The following CTNNA3 variants were observed in gnomAD, a reference collection of about 807,000 sequenced individuals.
The protein encoded by CTNNA3 is catenin alpha 3, also known as catenin alpha-3.
A neutral mutation model predicts 95.7 loss-of-function variants in CTNNA3; 76 were observed. That is an observed-to-expected ratio of 0.79 (90% CI 0.66 to 0.96). The LOEUF (loss-of-function observed/expected upper bound fraction) is 0.96. CTNNA3 is among the 40% of genes least tolerant of loss of function. The pLI is 0.00. For missense variants in CTNNA3, 1,191 were observed against 1,089.8 expected (o/e 1.09, Z -1.31); for synonymous variants, 431 against 374.4 (o/e 1.15, Z -1.74).
intron 5 of CTNNA3, among the ~76,000 whole-genome samples, chr10:67,270,475 A>G (rs1838926546): frequency 6.6e-6 from 1 of 152,166 alleles, no homozygotes; most frequent in African/African-American, 2.4e-5. Flanking sequence ...AGTGATACCA[A>G]AAATAGTACT....
intron 14 of CTNNA3, among the ~76,000 whole-genome samples, chr10:66,100,275 G>A (rs1377894065): frequency 6.6e-6 from 1 of 152,104 alleles, no homozygotes; most frequent in East Asian, 1.9e-4. Context: ...AGGGTTATTG[G>A]TCAAGAGTTG....
intron 13 of CTNNA3, among the ~76,000 whole-genome samples, chr10:66,257,595 C>A (rs1482109908): frequency 6.6e-6 from 1 of 152,224 alleles, no homozygotes; most frequent in South Asian, 2.1e-4. Context: ...TACTTCTCTT[C>A]CTGGTCAATC....
intron 15 of CTNNA3, among the ~76,000 whole-genome samples, chr10:66,033,629 T>G (rs1338257935): frequency 6.6e-6 from 1 of 151,916 alleles, no homozygotes; most frequent in African/African-American, 2.4e-5. Context: ...GATCAGGGAC[T>G]GGAAAGACTC....
intron 12 of CTNNA3, among the ~76,000 whole-genome samples, chr10:66,290,103 G>A (rs2091654600): frequency 6.6e-6 from 1 of 152,044 alleles, no homozygotes; most frequent in South Asian, 2.1e-4. Flanking sequence ...AAGGATAGTA[G>A]TAGGAGAAGT....
At chr10:67,086,576 T>C (rs1319243165) in intron 7 of CTNNA3, among the ~76,000 whole-genome samples, 1 of 151,950 alleles carries the variant, frequency 6.6e-6, no homozygotes. Flanking sequence ...AAAAACGTAG[T>C]CTGTTTTATA....
rs35411851 is a variant in CTNNA3 at position 67,074,034 on chromosome 10, C to CTTTTT, written c.1047+106278_1047+106282dup. On this transcript the variant is annotated intron_variant, in intron 7 of 17. Transcript: ENST00000433211. ...ATAATGCCAAGTAGCCATTTTAACT[C>CTTTTT]TTTTTTTTTTTTTTTTTTTTGAGAC... Among the ~76,000 whole-genome samples, 346 of 109,432 alleles carry CTTTTT rather than the reference C, an allele frequency of 3.2e-3. 20 individuals carry two copies. The highest frequency in any genetic ancestry group is 0.016 in the South Asian group (46 of 2,864). 71.8% of individuals were successfully genotyped at this position (109,432 alleles called of 152,430 possible).
chr10:67,485,816 A>C (rs1848423997), intron 5 of CTNNA3, among the ~76,000 whole-genome samples: 1 of 152,192 alleles, frequency 6.6e-6, no homozygotes, highest in Non-Finnish European at 1.5e-5. Context: ...GTCTGATTCC[A>C]CTCAGAAAAG....
chr10:66,896,010 T>C (rs1319003752), intron 7 of CTNNA3, among the ~76,000 whole-genome samples: 2 of 151,562 alleles, frequency 1.3e-5, no homozygotes, highest in Non-Finnish European at 2.9e-5. Flanking sequence ...GGCAGGAGAA[T>C]TGCTTGAACC....
chr10:67,634,494 A>C (rs1484382463), intron 2 of CTNNA3, among the ~76,000 whole-genome samples: 1 of 152,218 alleles, frequency 6.6e-6, no homozygotes, highest in Non-Finnish European at 1.5e-5. Context: ...CTTAAATGTA[A>C]ATGGGCTAAA....
intron 9 of CTNNA3, among the ~76,000 whole-genome samples, chr10:66,708,056 G>A (rs568111931): frequency 1.4e-4 from 22 of 152,074 alleles, no homozygotes; most frequent in Middle Eastern, 6.8e-3. Flanking sequence ...ACTATAAAAC[G>A]TACAAATAAA....
At position 66,332,901 on chromosome 10, in the gene CTNNA3, C is replaced by T. The variant is rs370636469; in HGVS notation, c.1732+46251G>A. Among the ~76,000 whole-genome samples the T allele has an allele frequency of 4.5e-4, 69 of 152,194 alleles. 1 individual carries two copies. In the South Asian group the frequency reaches 0.014, roughly 31 times the overall value. On this transcript the variant is annotated intron_variant, in intron 12 of 17. Transcript: ENST00000433211. ...AAGCTATTAATTATTGCTTCAATTTCAGAGCCTGTTATTGGTCTATTCTGA... is the reference window on the plus strand; with the variant it reads ...AAGCTATTAATTATTGCTTCAATTTTAGAGCCTGTTATTGGTCTATTCTGA...
At chr10:65,921,348 A>C (rs764935486) in intron 17 of CTNNA3, among the ~76,000 whole-genome samples, 34 of 152,324 alleles carry the variant, frequency 2.2e-4, no homozygotes, top group Admixed American at 3.9e-4. Context: ...CTTGACAACT[A>C]TGTCAATTTG....
intron 11 of CTNNA3, among the ~76,000 whole-genome samples, chr10:66,413,632 T>C (rs1378294449): frequency 1.3e-5 from 2 of 152,210 alleles, no homozygotes; most frequent in East Asian, 3.8e-4. Flanking sequence ...TCTTGTGTCT[T>C]AATACCACTA....
At chr10:66,003,048 CT>C (rs538521447) in intron 15 of CTNNA3, among the ~76,000 whole-genome samples, 97 of 152,292 alleles carry the variant, frequency 6.4e-4, no homozygotes, top group African/African-American at 1.8e-3. Context: ...AACTGAGGCA[CT>C]TCACTAATAC....
intron 11 of CTNNA3, among the ~76,000 whole-genome samples, chr10:66,400,657 C>G (rs1001422493): frequency 6.6e-6 from 1 of 151,982 alleles, no homozygotes; most frequent in Non-Finnish European, 1.5e-5. Flanking sequence ...TAGCTTTATC[C>G]CTCTCTTCCC....
chr10:66,387,132 A>G (rs1457611575), intron 11 of CTNNA3, among the ~76,000 whole-genome samples: 1 of 152,198 alleles, frequency 6.6e-6, no homozygotes, highest in East Asian at 1.9e-4. Flanking sequence ...TGCACAGCAA[A>G]AGAAACTACC....
intron 7 of CTNNA3, among the ~76,000 whole-genome samples, chr10:67,009,958 CCT>C (rs1852220782): frequency 6.6e-6 from 1 of 152,062 alleles, no homozygotes; most frequent in South Asian, 2.1e-4. Flanking sequence ...AAGCAAGAAC[CCT>C]GTCATTCTAG....
chr10:66,128,696 T>G (rs2082940345), intron 13 of CTNNA3, among the ~76,000 whole-genome samples: 1 of 152,166 alleles, frequency 6.6e-6, no homozygotes, highest in Non-Finnish European at 1.5e-5. Context: ...TTAAACTACT[T>G]TCATTACATT....
chr10:66,916,931 G>A (rs1290023675), intron 7 of CTNNA3, among the ~76,000 whole-genome samples: 1 of 152,190 alleles, frequency 6.6e-6, no homozygotes, highest in Non-Finnish European at 1.5e-5. Flanking sequence ...GATTATGTGA[G>A]TTGCTCCCTA....
Sources: gnomAD v4.1 joint callset for allele counts (sites outside exome capture counted in the v4.1 genomes callset) on GRCh38, gnomAD v4.1.1 for gene constraint, MANE v1.5 for transcripts, NCBI Gene and HGNC (gene_info 2026-07-23, HGNC 2026-07-21) for gene names.